Variants in TLK1 observed in about 807,000 individuals in gnomAD.
TLK1 encodes tousled like kinase 1.
In TLK1, 24 loss-of-function variants were observed where a neutral mutation model predicts 105.3. The observed-to-expected ratio is 0.23, with a 90% CI of 0.17 to 0.32. TLK1 has a LOEUF of 0.32. TLK1 is among the 10% of genes least tolerant of loss of function. The probability of loss-of-function intolerance (pLI) is 1.00; values close to 1 mark genes in which losing one functional copy is unlikely to be tolerated. For synonymous variants in TLK1, 321 were observed against 310.4 expected (o/e 1.03, Z -0.36); for missense variants, 558 against 910.5 (o/e 0.61, Z 4.98).
chr2:171,088,962 G>A (rs1689103510), intron 2 of TLK1, among the ~76,000 whole-genome samples: 1 of 152,196 alleles, frequency 6.6e-6, no homozygotes, highest in Non-Finnish European at 1.5e-5. Flanking sequence ...TTGGCTCACT[G>A]CAAACTCCAC....
At chr2:171,057,455 G>C (rs1687555695) in intron 5 of TLK1, among the ~76,000 whole-genome samples, 1 of 151,964 alleles carries the variant, frequency 6.6e-6, no homozygotes, top group Non-Finnish European at 1.5e-5. Flanking sequence ...TTTGGCAAAG[G>C]TTCTTAATTA....
At chr2:171,223,169 TG>T (rs1693838944) in intron 1 of TLK1, among the ~76,000 whole-genome samples, 1 of 152,212 alleles carries the variant, frequency 6.6e-6, no homozygotes, top group African/African-American at 2.4e-5. Context: ...TACCCAGAAG[TG>T]GGATTGCTGG....
rs745504391 is a variant in TLK1 at position 171,148,879 on chromosome 2, T to TAAA, written c.139+11408_139+11410dup. Among the ~76,000 whole-genome samples the TAAA allele has an allele frequency of 8.5e-3, 885 of 103,872 alleles. 13 individuals carry two copies. The highest frequency in any genetic ancestry group is 0.025 in the African/African-American group (557 of 22,374). The allele number at this position is 103,872 out of a possible 152,430, so 68.1% of individuals were successfully genotyped here. A position where few individuals can be genotyped will look rare whatever the true frequency, so the allele number is the denominator to read the frequency against. On this transcript the variant is annotated intron_variant, in intron 1 of 20. Coordinates refer to ENST00000431350, the MANE Select transcript of TLK1 (RefSeq NM_012290.5). ...TGGGTAAGAGGGTGAGACTCTGTCT[T>TAAA]AAAAAAAAAAAATATATATATATAT...
rs777296038 is a variant in TLK1 at position 170,997,769 on chromosome 2, G to A, written c.1959C>T (p.Asn653=). ...CTCCAACCGACCATACATCAACCTT[G>A]TTGGAAATCTTTGGTGGCTCTTTTC... ...VVGKEPPKIS[N]KVDVWSVGVI... The change falls in exon 19 of 21, where the codon AAC becomes AAT. Residue 653 remains asparagine (N), a synonymous_variant. Coordinates refer to ENST00000431350, the MANE Select transcript of TLK1 (RefSeq NM_012290.5). 6.2e-7 allele frequency: 1 copy of A among 1,609,570 alleles called. No individual in the cohort carries two copies.
intron 2 of TLK1, 63 bp downstream of exon 2, chr2:171,117,676 A>ATAC: frequency 1.5e-6 from 2 of 1,300,518 alleles, no homozygotes; most frequent in Non-Finnish European, 2.2e-6. Flanking sequence ...AATCCTTTAC[A>ATAC]TACTATTTTA....
intron 1 of TLK1, among the ~76,000 whole-genome samples, chr2:171,173,785 T>C (rs1180710882): frequency 6.6e-6 from 1 of 152,132 alleles, no homozygotes; most frequent in Non-Finnish European, 1.5e-5. Context: ...CCTTGGATGT[T>C]CCACAGTTTT....
chr2:171,147,864 TGTTTATACTTTGTATTG>T (rs1368263266), intron 1 of TLK1, among the ~76,000 whole-genome samples: 1 of 152,026 alleles, frequency 6.6e-6, no homozygotes, highest in African/African-American at 2.4e-5. Flanking sequence ...GGATTAGCAG[TGTTTATACTTTGTATTG>T]GTATGCAGTC....
chr2:171,157,264 T>G (rs771184937), intron 1 of TLK1, among the ~76,000 whole-genome samples: 1 of 152,190 alleles, frequency 6.6e-6, no homozygotes, highest in Non-Finnish European at 1.5e-5. Flanking sequence ...TGTACTGATA[T>G]GCAAAAAAAC....
intron 8 of TLK1, among the ~76,000 whole-genome samples, chr2:171,051,719 G>A (rs1316976441): frequency 6.6e-6 from 1 of 152,066 alleles, no homozygotes; most frequent in Non-Finnish European, 1.5e-5. Context: ...GATAAAAATT[G>A]TTTTATCAAC....
intron 2 of TLK1, among the ~76,000 whole-genome samples, chr2:171,088,172 GA>G (rs1306669694): frequency 1.3e-5 from 2 of 149,562 alleles, no homozygotes; most frequent in Non-Finnish European, 1.5e-5. Flanking sequence ...CCCTACAGAG[GA>G]AAAAAAAAAT....
intron 1 of TLK1, among the ~76,000 whole-genome samples, chr2:171,175,837 C>T: frequency 6.6e-6 from 1 of 152,162 alleles, no homozygotes; most frequent in East Asian, 1.9e-4. Flanking sequence ...ATTAGAATCA[C>T]CTGAGAAACT....
intron 1 of TLK1, among the ~76,000 whole-genome samples, chr2:171,227,503 T>A (rs1693919480): frequency 6.7e-6 from 1 of 149,354 alleles, no homozygotes; most frequent in South Asian, 2.1e-4. Context: ...GTCCAAATAA[T>A]CTGGGAGTCA....
intron 1 of TLK1, among the ~76,000 whole-genome samples, chr2:171,140,966 TAAAGA>T (rs142966456): frequency 1.2e-4 from 18 of 152,136 alleles, no homozygotes; most frequent in African/African-American, 4.3e-4. Flanking sequence ...TAAACTAAAT[TAAAGA>T]ACTCAGTGTA....
intron 2 of TLK1, among the ~76,000 whole-genome samples, chr2:171,113,273 T>C (rs956816612): frequency 5.9e-5 from 8 of 135,556 alleles, no homozygotes; most frequent in Non-Finnish European, 1.1e-4. Context: ...ATACATATCC[T>C]TTTTTTTTTT....
At chr2:171,103,392 C>A (rs957140366) in intron 2 of TLK1, among the ~76,000 whole-genome samples, 5 of 151,788 alleles carry the variant, frequency 3.3e-5, no homozygotes, top group Non-Finnish European at 1.5e-5. Context: ...ATTCTCCTGC[C>A]TCGGATTCCT....
intron 18 of TLK1, among the ~76,000 whole-genome samples, chr2:171,003,885 A>C (rs1684517399): frequency 6.6e-6 from 1 of 152,230 alleles, no homozygotes; most frequent in Non-Finnish European, 1.5e-5. Context: ...ATTTTATGGC[A>C]GTAAATGGTA....
rs577001666 is a variant in TLK1, at chr2:171,216,631, C to T, written c.-6+14514G>A. On this transcript the variant is annotated intron_variant, in intron 1 of 20. Transcript: ENST00000521943. ...CACCCCCTAAAACATATGTTGGAGT[C>T]GTAACCCCTAGTACCTTAGAATATG... 3.3e-5 allele frequency among the ~76,000 whole-genome samples: 5 copies of T among 152,206 alleles called. No homozygotes were observed. The East Asian group carries it at 5.8e-4, about 18-fold the overall frequency.
rs562508063 is a variant in TLK1 at position 171,023,015 on chromosome 2, TG to T, written c.1236+5323del. 311 of 469,684 alleles carry T rather than the reference TG, an allele frequency of 6.6e-4. 5 individuals carry two copies. Among genetic ancestry groups the T allele is most frequent in the South Asian group, 1.4e-3 (90 of 64,388 alleles). The allele number at this position is 469,684 out of a possible 1,614,324, so 29.1% of individuals were successfully genotyped here. A position where few individuals can be genotyped will look rare whatever the true frequency, so the allele number is the denominator to read the frequency against. On this transcript the variant is annotated intron_variant, in intron 12 of 20. Coordinates refer to ENST00000431350, the MANE Select transcript of TLK1 (RefSeq NM_012290.5). ...TTCTTGACCTGTAAAGATTTCATCA[TG>T]GAAGATTAATACTGATGCTGCTGCT...
At chr2:171,143,565 G>A (rs1691675803) in intron 1 of TLK1, among the ~76,000 whole-genome samples, 2 of 133,980 alleles carry the variant, frequency 1.5e-5, no homozygotes, top group African/African-American at 2.7e-5. Context: ...AAAAAGGTGG[G>A]GGAGGTGGAA....
Sources: gnomAD v4.1 joint callset for allele counts (sites outside exome capture counted in the v4.1 genomes callset) on GRCh38, gnomAD v4.1.1 for gene constraint, MANE v1.5 for transcripts, NCBI Gene and HGNC (gene_info 2026-07-23, HGNC 2026-07-21) for gene names.